The following UNC79 variants were observed in gnomAD, a reference collection of about 807,000 sequenced individuals.
UNC79 encodes the protein unc-79 subunit of NALCN channel complex.
A neutral mutation model predicts 283.1 loss-of-function variants in UNC79; 37 were observed. The ratio of observed to expected loss-of-function variants is 0.13; its 90% CI spans 0.10 to 0.17. The LOEUF (loss-of-function observed/expected upper bound fraction) is 0.17. Among genes scored for constraint, UNC79 ranks in the 10% least tolerant of loss-of-function variants. UNC79 has a pLI of 1.00. For missense variants in UNC79, 2,272 were observed against 3,211.1 expected (o/e 0.71, Z 7.07); for synonymous variants, 1,107 against 1,200.2 (o/e 0.92, Z 1.61).
chr14:93,430,085 G>A (rs182107225), upstream of UNC79, among the ~76,000 whole-genome samples: 1 of 152,154 alleles, frequency 6.6e-6, no homozygotes, highest in Non-Finnish European at 1.5e-5. The surrounding 1 kb of genome is among the most constrained non-coding windows in gnomAD (Gnocchi z 4.6). Flanking sequence ...CGCTGCCTTC[G>A]GTTTTCCAGT....
intron 47 of UNC79, among the ~76,000 whole-genome samples, chr14:93,699,545 GT>G (rs1304895254): frequency 1.3e-5 from 2 of 152,008 alleles, no homozygotes; most frequent in African/African-American, 4.8e-5. Context: ...TTAGAAGTGT[GT>G]TTTTTAATTA....
intron 14 of UNC79, among the ~76,000 whole-genome samples, chr14:93,562,261 A>G (rs1174757863): frequency 1.3e-5 from 2 of 152,156 alleles, no homozygotes; most frequent in Non-Finnish European, 2.9e-5. Context: ...TCAGATTCTT[A>G]ACAAGAACTG....
At chr14:93,517,662 C>T (rs1470494483) in intron 7 of UNC79, among the ~76,000 whole-genome samples, 1 of 151,864 alleles carries the variant, frequency 6.6e-6, no homozygotes, top group Non-Finnish European at 1.5e-5. Context: ...CCTTTTATGC[C>T]TATTTTTTGT....
rs146701809 is a variant in UNC79, at chr14:93,362,129, G to A, written c.-351+28606G>A. Among the ~76,000 whole-genome samples the A allele has an allele frequency of 1.7e-3, 260 of 152,274 alleles. 2 individuals carry two copies. The highest frequency in any genetic ancestry group is 5.9e-3 in the African/African-American group (246 of 41,560). On this transcript the variant is annotated intron_variant, in intron 1 of 49. Coordinates refer to the UNC79 transcript ENST00000256339. ...GGATTTTTGAATCTCTGTTCATCAG[G>A]CATATCTGCCTGGAATTGTCTTTTT...
At chr14:93,401,948 CCAATT>C (rs1450683333) in intron 1 of UNC79, among the ~76,000 whole-genome samples, 4 of 152,050 alleles carry the variant, frequency 2.6e-5, no homozygotes, top group Admixed American at 2.6e-4. Flanking sequence ...CAGGACGTAT[CCAATT>C]CAAGATTCCA....
At chr14:93,572,156 C>A in intron 15 of UNC79, 72 bp downstream of exon 15, 2 of 1,487,640 alleles carry the variant, frequency 1.3e-6, no homozygotes, top group East Asian at 2.3e-5. Flanking sequence ...GTACTGTATG[C>A]CGGTCACCCT....
At chr14:93,471,893 A>G (rs912846003) in intron 2 of UNC79, among the ~76,000 whole-genome samples, 9 of 152,144 alleles carry the variant, frequency 5.9e-5, no homozygotes, top group African/African-American at 2.2e-4. Flanking sequence ...AGGGAAAAAT[A>G]TCAAAGTAGA....
intron 1 of UNC79, among the ~76,000 whole-genome samples, chr14:93,351,176 T>TA (rs2053974256): frequency 1.3e-5 from 2 of 152,234 alleles, no homozygotes; most frequent in East Asian, 3.9e-4. Flanking sequence ...GTACTTGGCT[T>TA]AAAAAAATGA....
chr14:93,411,398 C>G (rs569578815), intron 1 of UNC79, among the ~76,000 whole-genome samples: 1 of 152,324 alleles, frequency 6.6e-6, no homozygotes, highest in East Asian at 1.9e-4. Flanking sequence ...AGGACAGAAG[C>G]CTAGCTGGCT....
rs1312369696 is a variant in UNC79, at chr14:93,621,558, A to C, written c.4388-63A>C. ...ATTTATGCCAATTGTATGCCCAAGG[A>C]TGAGGGGAAAAAATGGTGAAATCTC... On this transcript the variant is annotated intron_variant, in intron 29 of 48. Transcript: ENST00000555664. The surrounding 1 kb of genome is among the most constrained non-coding windows in gnomAD (Gnocchi z 4.8). The C allele has an allele frequency of 4.0e-6, 6 of 1,487,534 alleles. No homozygotes were observed. In the African/African-American group the frequency reaches 5.6e-5, roughly 14 times the overall value. 92.1% of individuals were successfully genotyped at this position (1,487,534 alleles called of 1,614,324 possible).
intron 1 of UNC79, chr14:93,335,112 A>G (rs530199924): frequency 6.6e-6 from 1 of 152,370 alleles, no homozygotes; most frequent in East Asian, 1.9e-4. Context: ...GTGGAAATCT[A>G]AAACTTTTTG....
At chr14:93,383,027 G>A (rs1436599813) in intron 1 of UNC79, among the ~76,000 whole-genome samples, 1 of 152,158 alleles carries the variant, frequency 6.6e-6, no homozygotes, top group East Asian at 1.9e-4. Context: ...TATCTGAAAG[G>A]CTAAAGAAAG....
intron 23 of UNC79, among the ~76,000 whole-genome samples, chr14:93,595,474 C>T (rs1485964630): frequency 6.6e-6 from 1 of 152,132 alleles, no homozygotes; most frequent in Non-Finnish European, 1.5e-5. Flanking sequence ...CCTTAAACTG[C>T]CATTCAGATG....
At chr14:93,593,693 G>T (rs370246949) in exon 23 of UNC79, 13 of 1,610,774 alleles carry the variant, frequency 8.1e-6, no homozygotes, top group Non-Finnish European at 1.0e-5. Context: ...GTGGAGGGTC[G>T]TCAAATCCGA....
intron 1 of UNC79, among the ~76,000 whole-genome samples, chr14:93,454,048 CTTT>C (rs35564821): frequency 1.7e-4 from 24 of 137,156 alleles, no homozygotes; most frequent in Non-Finnish European, 1.6e-4. Context: ...CTTTTTAAAT[CTTT>C]TTTTTTTTTT....
chr14:93,640,476 A>G (rs2068921475), intron 32 of UNC79, among the ~76,000 whole-genome samples: 1 of 152,080 alleles, frequency 6.6e-6, no homozygotes, highest in Non-Finnish European at 1.5e-5. Flanking sequence ...AAAAACTTAA[A>G]AATTAGCCAG....
chr14:93,645,642 C>G (rs746391995), intron 34 of UNC79, among the ~76,000 whole-genome samples: 36 of 152,160 alleles, frequency 2.4e-4, no homozygotes, highest in Non-Finnish European at 4.1e-4. Flanking sequence ...GTGGATCACT[C>G]AAGCTTTTCC....
intron 14 of UNC79, among the ~76,000 whole-genome samples, chr14:93,548,513 A>G (rs1270869559): frequency 6.6e-6 from 1 of 152,226 alleles, no homozygotes; most frequent in African/African-American, 2.4e-5. Context: ...AATCTAAAAA[A>G]TGTTGTTTTT....
chr14:93,617,789 C>T lies in UNC79; in HGVS notation c.4225-403C>T, dbSNP rs1301282625. The stretch of plus-strand genomic sequence containing the variant: ...GGGCGTGGTGGCTCACTGCTGTAAT[C>T]CCAGCACTTATGGGAGGCCGAGGTG... On this transcript the variant is annotated intron_variant, in intron 28 of 48. Coordinates refer to ENST00000555664, the Ensembl canonical transcript of UNC79. The surrounding 1 kb of genome is among the most constrained non-coding windows in gnomAD (Gnocchi z 4.5). Among the ~76,000 whole-genome samples, 1 of 152,036 alleles carries T rather than the reference C, an allele frequency of 6.6e-6. No homozygotes were observed. The highest frequency in any genetic ancestry group is 1.5e-5 in the Non-Finnish European group (1 of 68,018).
Sources: allele counts gnomAD v4.1 joint callset (sites outside exome capture counted in the v4.1 genomes callset), GRCh38; gene constraint gnomAD v4.1.1; non-coding constraint Gnocchi (gnomAD v3.1); transcripts MANE v1.5; gene names NCBI Gene and HGNC (gene_info 2026-07-23, HGNC 2026-07-21).